The following TANC1 variants were observed in gnomAD, a reference collection of about 807,000 sequenced individuals.
TANC1 encodes tetratricopeptide repeat, ankyrin repeat and coiled-coil containing 1.
TANC1 carries 77 observed loss-of-function variants against 149.7 expected under a neutral mutation model. The ratio of observed to expected loss-of-function variants is 0.51; its 90% CI spans 0.43 to 0.62. TANC1 has a LOEUF of 0.62. TANC1 is among the 20% of genes least tolerant of loss of function. TANC1 has a pLI of 0.00. For missense variants in TANC1, 1,985 were observed against 2,321.8 expected, an observed-to-expected ratio of 0.85 and a Z score of 2.98; for synonymous variants, 854 against 925.0, an observed-to-expected ratio of 0.92 and a Z score of 1.39.
intron 18 of TANC1, 90 bp downstream of exon 18, chr2:159,196,883 T>C: frequency 4.7e-6 from 6 of 1,276,646 alleles, no homozygotes; most frequent in Non-Finnish European, 6.4e-6. Context: ...AGAAGGAGGA[T>C]GCCAAGAACT....
In TANC1 at chr2:159,085,820, G is replaced by A. The variant is rs2044780587; in HGVS notation, c.62-11817G>A. 2.6e-5 allele frequency among the ~76,000 whole-genome samples: 4 copies of A among 152,150 alleles called. No individual in the cohort carries two copies. In the South Asian group the frequency reaches 8.3e-4, roughly 32 times the overall value. ...AACACCTCTCACTAGGCCCCACCTA[G>A]TGCGGATTACATTTCCACATGAAAT... On this transcript the variant is annotated intron_variant, in intron 3 of 26. Transcript: ENST00000263635.
At chr2:159,161,862 A>G (rs2054077345) in intron 7 of TANC1, among the ~76,000 whole-genome samples, 1 of 152,218 alleles carries the variant, frequency 6.6e-6, no homozygotes, top group Admixed American at 6.5e-5. Flanking sequence ...CCACAAATGG[A>G]ATTGAAGTTT....
Position 159,137,623 on chromosome 2 carries a change from C to T in TANC1, c.364+1325C>T, listed in dbSNP as rs149380018. Among the ~76,000 whole-genome samples, 207 of 152,256 alleles carry T rather than the reference C, an allele frequency of 1.4e-3. 1 individual carries two copies. Among genetic ancestry groups the T allele is most frequent in the African/African-American group, 4.8e-3 (200 of 41,546 alleles). ...GTACATGAGGCCTCTCTTGATTGTG[C>T]GTTCACGTGGGCAGGCAGTCTGTTC... On this transcript the variant is annotated intron_variant, in intron 5 of 26. Transcript: ENST00000263635.
intron 2 of TANC1, among the ~76,000 whole-genome samples, chr2:159,006,858 G>A (rs919298914): frequency 1.3e-5 from 2 of 152,118 alleles, no homozygotes; most frequent in African/African-American, 4.8e-5. Context: ...TAAAAATATT[G>A]GTGAGGTATC....
intron 3 of TANC1, among the ~76,000 whole-genome samples, chr2:159,070,723 C>T (rs1026756152): frequency 6.6e-6 from 1 of 152,158 alleles, no homozygotes; most frequent in Non-Finnish European, 1.5e-5. Context: ...TGTGTTTGGA[C>T]TTCTTGGCTA....
intron 8 of TANC1, among the ~76,000 whole-genome samples, chr2:159,168,843 G>A (rs1304679199): frequency 6.6e-6 from 1 of 152,088 alleles, no homozygotes; most frequent in African/African-American, 2.4e-5. Flanking sequence ...TAATTAATAA[G>A]TTGGGAATTC....
chr2:158,972,489 C>G (rs1324608955), intron 1 of TANC1, among the ~76,000 whole-genome samples: 3 of 152,130 alleles, frequency 2.0e-5, no homozygotes, highest in African/African-American at 7.2e-5. Context: ...TGCTGTGTCT[C>G]TAAATGTTTG....
At chr2:159,007,328 T>G (rs1310031237) in intron 2 of TANC1, among the ~76,000 whole-genome samples, 1 of 152,156 alleles carries the variant, frequency 6.6e-6, no homozygotes, top group Non-Finnish European at 1.5e-5. Context: ...GTATCTTTAA[T>G]AGAGACAGGG....
intron 14 of TANC1, among the ~76,000 whole-genome samples, chr2:159,184,835 G>A (rs1001611393): frequency 3.9e-5 from 6 of 152,152 alleles, no homozygotes; most frequent in Non-Finnish European, 8.8e-5. Context: ...GGCCTTAAAC[G>A]TCATGCCCTC....
chr2:159,146,011 T>C (rs1349348219), intron 5 of TANC1, among the ~76,000 whole-genome samples: 2 of 152,200 alleles, frequency 1.3e-5, no homozygotes, highest in Non-Finnish European at 2.9e-5. Context: ...AGTGGTCTGT[T>C]TGAATTTGAC....
At chr2:159,135,615 C>T (rs1403262252) in intron 4 of TANC1, among the ~76,000 whole-genome samples, 2 of 152,268 alleles carry the variant, frequency 1.3e-5, no homozygotes, top group Non-Finnish European at 2.9e-5. Context: ...CTATGTCTGA[C>T]CCGCTTGCTG....
chr2:159,119,253 G>A (rs1426936783), intron 4 of TANC1, among the ~76,000 whole-genome samples: 1 of 152,194 alleles, frequency 6.6e-6, no homozygotes, highest in African/African-American at 2.4e-5. Context: ...ACTGTAATGT[G>A]TGGGAATGTG....
intron 2 of TANC1, among the ~76,000 whole-genome samples, chr2:159,050,088 C>G (rs1219854542): frequency 6.6e-6 from 1 of 152,078 alleles, no homozygotes; most frequent in Admixed American, 6.5e-5. Flanking sequence ...AAGAGTAAGT[C>G]AAAATGCTTA....
intron 19 of TANC1, among the ~76,000 whole-genome samples, chr2:159,211,032 G>A (rs1559466071): frequency 6.6e-6 from 1 of 151,212 alleles, no homozygotes; most frequent in Non-Finnish European, 1.5e-5. Context: ...CACCACTCCC[G>A]GCTAATTTTT....
intron 9 of TANC1, among the ~76,000 whole-genome samples, chr2:159,169,623 A>G (rs1317527617): frequency 6.6e-6 from 1 of 152,162 alleles, no homozygotes; most frequent in Non-Finnish European, 1.5e-5. Context: ...TTTTGAAGTG[A>G]GGGGTAGTTT....
At position 159,227,705 on chromosome 2, in the gene TANC1, G is replaced by A. The variant is rs1415168803; in HGVS notation, c.3904-114G>A. On this transcript the variant is annotated intron_variant, in intron 24 of 26. Coordinates refer to ENST00000263635, the MANE Select transcript of TANC1 (RefSeq NM_033394.3). Reference sequence around the variant, plus strand: ...TGACACTTGTTTGGATGCTTTCAATGTTCTGTCGTGGGTTTGCAGGGGGGA... The same window carrying A: ...TGACACTTGTTTGGATGCTTTCAATATTCTGTCGTGGGTTTGCAGGGGGGA... The A allele has an allele frequency of 9.5e-6, 11 of 1,162,764 alleles. No homozygotes were observed. In the South Asian group the frequency reaches 1.5e-4, roughly 16 times the overall value. 72.0% of individuals were successfully genotyped at this position (1,162,764 alleles called of 1,614,324 possible).
intron 2 of TANC1, among the ~76,000 whole-genome samples, chr2:159,055,743 A>T (rs1433278954): frequency 6.6e-6 from 1 of 151,298 alleles, no homozygotes; most frequent in Non-Finnish European, 1.5e-5. Flanking sequence ...ACAGCACACC[A>T]CTCTGAGCAC....
chr2:159,136,047 T>TGTGTGTGC (rs1457762905), intron 4 of TANC1, 147 bp from the exon 5 acceptor site: 5,056 of 211,006 alleles, frequency 0.024, 847 homozygotes, highest in Middle Eastern at 0.036. Context: ...TGTGTGTGTG[T>TGTGTGTGC]GTGCGCGCGC....
intron 2 of TANC1, among the ~76,000 whole-genome samples, chr2:159,062,496 C>G (rs1297335143): frequency 6.6e-6 from 1 of 152,122 alleles, no homozygotes; most frequent in Non-Finnish European, 1.5e-5. Context: ...GTTGAAGTTG[C>G]TACTGGAAGG....
Sources: allele counts gnomAD v4.1 joint callset (sites outside exome capture counted in the v4.1 genomes callset), GRCh38; gene constraint gnomAD v4.1.1; transcripts MANE v1.5; gene names NCBI Gene and HGNC (gene_info 2026-07-23, HGNC 2026-07-21).